Variants in CTNND2 observed in about 807,000 individuals in gnomAD.
CTNND2 encodes the protein catenin delta-2.
CTNND2 carries 22 observed loss-of-function variants against 144.4 expected under a neutral mutation model. The ratio of observed to expected loss-of-function variants is 0.15; its 90% CI spans 0.11 to 0.22. The LOEUF is 0.22. Ranked by LOEUF, CTNND2 falls within the 10% of genes least tolerant of loss-of-function variation. The pLI is 1.00. For synonymous variants in CTNND2, 751 were observed against 695.6 expected (o/e 1.08, Z -1.25); for missense variants, 1,353 against 1,618.8 (o/e 0.84, Z 2.82).
chr5:11,899,022 C>T (rs1230292046), intron 1 of CTNND2, among the ~76,000 whole-genome samples: 1 of 152,172 alleles, frequency 6.6e-6, no homozygotes, highest in East Asian at 1.9e-4. Flanking sequence ...TTTGTCTTCA[C>T]TGAAGCTCTT....
chr5:11,397,262 G>A, intron 5 of CTNND2, 59 bp from the exon 6 acceptor site: 1 of 1,468,992 alleles, frequency 6.8e-7, no homozygotes, highest in Non-Finnish European at 9.4e-7. Context: ...GAAATGACAT[G>A]TATTATTTAT....
intron 9 of CTNND2, among the ~76,000 whole-genome samples, chr5:11,327,274 G>A (rs1297218958): frequency 6.6e-6 from 1 of 152,190 alleles, no homozygotes; most frequent in Non-Finnish European, 1.5e-5. Flanking sequence ...GGGATGAACA[G>A]TCCAGATCCC....
intron 3 of CTNND2, among the ~76,000 whole-genome samples, chr5:11,442,920 A>G (rs1388811381): frequency 6.8e-6 from 1 of 147,272 alleles, no homozygotes; most frequent in African/African-American, 2.5e-5. Context: ...CACTAAAATT[A>G]ATAAGATATA....
intron 9 of CTNND2, among the ~76,000 whole-genome samples, chr5:11,264,634 A>G (rs1451259725): frequency 6.6e-6 from 1 of 152,214 alleles, no homozygotes; most frequent in Non-Finnish European, 1.5e-5. Context: ...ACTTTTGTTA[A>G]AAGTGTATTC....
In CTNND2 at chr5:11,302,298, G is replaced by A. The variant is rs369973299; in HGVS notation, c.1628+44074C>T. 3.5e-4 allele frequency among the ~76,000 whole-genome samples: 54 copies of A among 152,200 alleles called. 1 individual carries two copies. In the East Asian group the frequency reaches 6.0e-3, roughly 17 times the overall value. ...AGCCACTCCCAATCAGGAAGACCGC[G>A]GGGACAGGGAGAGATCCAGGGAATC... is the stretch of plus-strand genomic sequence containing the variant. On this transcript the variant is annotated intron_variant, in intron 9 of 21. Transcript: ENST00000304623.
At chr5:11,787,121 T>C (rs866837579) in intron 1 of CTNND2, among the ~76,000 whole-genome samples, 1 of 152,226 alleles carries the variant, frequency 6.6e-6, no homozygotes, top group Admixed American at 6.5e-5. Context: ...GACAAGTTAT[T>C]AAAGTCCCTA....
chr5:11,133,794 G>A lies in CTNND2; in HGVS notation c.2160-16227C>T, dbSNP rs188393939. ...AGTTAGGAATAATGTTGGAAAATGC[G>A]TTAACAGGGCAGCTCGAAGATTCTG... On this transcript the variant is annotated intron_variant, in intron 12 of 21. Transcript: ENST00000304623. Among the ~76,000 whole-genome samples the A allele has an allele frequency of 4.9e-4, 74 of 152,314 alleles. 1 individual carries two copies. The East Asian group carries it at 0.013, about 27-fold the overall frequency.
At chr5:11,807,269 T>C (rs990451700) in intron 1 of CTNND2, among the ~76,000 whole-genome samples, 1 of 152,154 alleles carries the variant, frequency 6.6e-6, no homozygotes, top group African/African-American at 2.4e-5. Context: ...CTCTAAATAT[T>C]AGACTTATAT....
At chr5:11,610,301 G>A (rs775788102) in intron 2 of CTNND2, among the ~76,000 whole-genome samples, 3 of 152,074 alleles carry the variant, frequency 2.0e-5, no homozygotes, top group Admixed American at 6.6e-5. Flanking sequence ...GCTTCATCTC[G>A]CCTCATACAC....
At chr5:11,226,860 CAG>C (rs1422910178) in intron 10 of CTNND2, among the ~76,000 whole-genome samples, 2 of 152,222 alleles carry the variant, frequency 1.3e-5, no homozygotes, top group African/African-American at 4.8e-5. Flanking sequence ...AGGTCAAAAA[CAG>C]AGCCTGCAAC....
chr5:11,837,963 T>C (rs79802806), intron 1 of CTNND2, among the ~76,000 whole-genome samples: 1 of 152,168 alleles, frequency 6.6e-6, no homozygotes, highest in Non-Finnish European at 1.5e-5. Flanking sequence ...ACAGTAGCCA[T>C]GACTCCATGA....
At chr5:11,484,885 C>T (rs768254499) in intron 3 of CTNND2, among the ~76,000 whole-genome samples, 113 of 152,290 alleles carry the variant, frequency 7.4e-4, no homozygotes, top group Non-Finnish European at 1.2e-3. Context: ...GAAGGGTAGC[C>T]ATCCTGCCCT....
Position 11,474,482 on chromosome 5 carries a change from A to C in CTNND2, c.288-62413T>G, listed in dbSNP as rs183296353. On this transcript the variant is annotated intron_variant, in intron 3 of 21. Coordinates refer to ENST00000304623, the MANE Select transcript of CTNND2 (RefSeq NM_001332.4). ...AAGAGACAATAATAGCTAATTGGAGAAGAGAGAAGTAAACAAGCACATAAG... is the reference window on the plus strand; with the variant it reads ...AAGAGACAATAATAGCTAATTGGAGCAGAGAGAAGTAAACAAGCACATAAG... 8.5e-5 allele frequency among the ~76,000 whole-genome samples: 13 copies of C among 152,322 alleles called. No individual in the cohort carries two copies. In the East Asian group the frequency reaches 2.3e-3, roughly 27 times the overall value.
chr5:11,277,083 G>A (rs540071623), intron 9 of CTNND2, among the ~76,000 whole-genome samples: 26 of 152,102 alleles, frequency 1.7e-4, no homozygotes, highest in Non-Finnish European at 3.2e-4. Context: ...AAAAAGAAAC[G>A]CATCTAATGA....
At chr5:11,440,735 A>G (rs1764188061) in intron 3 of CTNND2, among the ~76,000 whole-genome samples, 1 of 152,228 alleles carries the variant, frequency 6.6e-6, no homozygotes, top group East Asian at 1.9e-4. Flanking sequence ...GTACATAGTT[A>G]TGACAAGGTA....
intron 3 of CTNND2, among the ~76,000 whole-genome samples, chr5:11,522,407 C>T (rs1313159140): frequency 1.3e-5 from 2 of 152,104 alleles, no homozygotes; most frequent in African/African-American, 4.8e-5. Flanking sequence ...GCTGTAAAAC[C>T]CTAAGTTTCT....
chr5:11,876,555 A>T (rs916384956), intron 1 of CTNND2, among the ~76,000 whole-genome samples: 6 of 152,192 alleles, frequency 3.9e-5, no homozygotes, highest in African/African-American at 1.4e-4. Flanking sequence ...ATTAAAAAGC[A>T]CATAAATATT....
chr5:11,524,971 T>C (rs963458796), intron 3 of CTNND2, among the ~76,000 whole-genome samples: 5 of 152,232 alleles, frequency 3.3e-5, no homozygotes, highest in African/African-American at 1.2e-4. Flanking sequence ...AAATTCTTTG[T>C]ATGATAGATT....
chr5:11,318,957 A>T (rs1299562080), intron 9 of CTNND2, among the ~76,000 whole-genome samples: 1 of 151,912 alleles, frequency 6.6e-6, no homozygotes, highest in Non-Finnish European at 1.5e-5. Flanking sequence ...ATGAGAGAAC[A>T]TACTTATATA....
Sources: gnomAD v4.1 joint callset for allele counts (sites outside exome capture counted in the v4.1 genomes callset) on GRCh38, gnomAD v4.1.1 for gene constraint, MANE v1.5 for transcripts, NCBI Gene and HGNC (gene_info 2026-07-23, HGNC 2026-07-21) for gene names.